FSTL3: variants seen among roughly 807,000 people sequenced by gnomAD.
FSTL3 encodes the protein follistatin-related protein 3.
A neutral mutation model predicts 28.1 loss-of-function variants in FSTL3; 21 were observed. The ratio of observed to expected loss-of-function variants is 0.75; its 90% CI spans 0.53 to 1.08. The LOEUF is 1.08. Ranked by LOEUF, FSTL3 falls within the 50% of genes least tolerant of loss-of-function variation. The pLI is 0.00. For missense variants in FSTL3, 400 were observed against 380.9 expected (o/e 1.05, Z -0.42); for synonymous variants, 199 against 164.2 (o/e 1.21, Z -1.62).
In FSTL3 at chr19:683,098, C is replaced by T. The variant is rs2031374996; in HGVS notation, c.*1390C>T. The T allele has an allele frequency of 8.6e-6, 2 of 233,218 alleles. No individual in the cohort carries two copies. Among genetic ancestry groups the T allele is most frequent in the Admixed American group, 5.6e-5 (1 of 17,770 alleles). The allele number at this position is 233,218 out of a possible 1,614,324, so 14.4% of individuals were successfully genotyped here. ...AGTTCTCCCACGACGGCTCACCCTC[C>T]CCTCCATCTGCGTTGATGCTCAGAA... On this transcript the variant is annotated 3_prime_UTR_variant, in exon 5 of 5. Transcript: ENST00000166139.
At chr19:676,816 A>T in intron 1 of FSTL3, among the ~76,000 whole-genome samples, 1 of 152,140 alleles carries the variant, frequency 6.6e-6, no homozygotes, top group Non-Finnish European at 1.5e-5. Context: ...TCCGTCTTCC[A>T]GATGGGGAAA....
intron 2 of FSTL3, among the ~76,000 whole-genome samples, chr19:679,756 C>T (rs1478215017): frequency 6.6e-6 from 1 of 152,142 alleles, no homozygotes; most frequent in African/African-American, 2.4e-5. Context: ...GGGGCCCCCT[C>T]CCCTGGAATC....
intron 1 of FSTL3, among the ~76,000 whole-genome samples, chr19:677,238 G>A (rs986225534): frequency 2.6e-5 from 4 of 151,910 alleles, no homozygotes; most frequent in Middle Eastern, 3.4e-3. Flanking sequence ...CCAGCCCTGC[G>A]CCAAAGGGAG....
rs376784869 is a variant in FSTL3, at chr19:677,776, G to A, written c.104-16G>A. Reference sequence around the variant, plus strand: ...CAGGAGTGGCCCAGGAGAGCACCCCGTTCCCCGGCCCGCAGGTGGTGTTTG... The same window carrying A: ...CAGGAGTGGCCCAGGAGAGCACCCCATTCCCCGGCCCGCAGGTGGTGTTTG... On this transcript the variant is annotated splice_polypyrimidine_tract_variant and intron_variant, in intron 1 of 4. Coordinates refer to ENST00000166139, the MANE Select transcript of FSTL3 (RefSeq NM_005860.3). 1.3e-4 allele frequency: 206 copies of A among 1,596,692 alleles called. No individual in the cohort carries two copies. Among genetic ancestry groups the A allele is most frequent in the African/African-American group, 1.0e-3 (76 of 74,822 alleles).
chr19:680,552 T>C, intron 3 of FSTL3, 63 bp downstream of exon 3: 5 of 757,160 alleles, frequency 6.6e-6, no homozygotes, highest in Non-Finnish European at 8.4e-6. Context: ...GCGTCATGTA[T>C]CGAGGCTGCT....
chr19:680,206 GC>G, intron 2 of FSTL3, 67 bp from the exon 3 acceptor site: 1 of 1,042,970 alleles, frequency 9.6e-7, no homozygotes, highest in Non-Finnish European at 1.2e-6. Flanking sequence ...GGGCCCCGAG[GC>G]CTTCGCGCGG....
chr19:678,750 A>G (rs112005395), intron 2 of FSTL3, among the ~76,000 whole-genome samples: 1,694 of 152,096 alleles, frequency 0.011, 36 homozygotes, highest in African/African-American at 0.039. Context: ...ACCTCAAGTG[A>G]TCTGCCAGCC....
chr19:676,738 G>A (rs1431183074), intron 1 of FSTL3, among the ~76,000 whole-genome samples: 1 of 152,182 alleles, frequency 6.6e-6, no homozygotes, highest in Non-Finnish European at 1.5e-5. Context: ...CATTTATTGA[G>A]CGCTTAGTGT....
rs759145114 is a variant in FSTL3 at position 677,860 on chromosome 19, C to T, written c.172C>T (p.Arg58Trp). 35 of 1,613,038 alleles carry T rather than the reference C, an allele frequency of 2.2e-5. No individual in the cohort carries two copies. The highest frequency in any genetic ancestry group is 2.6e-5 in the Non-Finnish European group (31 of 1,179,982). ...CSLVLQTDVT[R>W]AECCASGNID... is the part of the protein sequence containing the mutation. ...CCTGGTGCTCCAGACTGATGTCACC[C>T]GGGCCGAGTGCTGTGCCTCCGGCAA... The change falls in exon 2 of 5, where the codon CGG becomes TGG. Residue 58 changes from arginine (R) to tryptophan (W), a missense_variant. Physicochemically the swap from Arg to Trp is moderately radical, Grantham distance 101. Transcript: ENST00000166139.
chr19:677,376 G>T (rs2031235971), intron 1 of FSTL3, among the ~76,000 whole-genome samples: 1 of 151,986 alleles, frequency 6.6e-6, no homozygotes. Context: ...GCGGGGCTCC[G>T]CGTGCCCTCG....
chr19:681,268 G>C (rs1371695389), intron 3 of FSTL3, 65 bp from the exon 4 acceptor site: 3 of 1,225,954 alleles, frequency 2.4e-6, no homozygotes, highest in East Asian at 5.1e-5. Flanking sequence ...GGGTCTTGGG[G>C]CCAAGAGCCC....
At chr19:681,603 G>T in intron 4 of FSTL3, 43 bp downstream of exon 4, 1 of 1,595,094 alleles carries the variant, frequency 6.3e-7, no homozygotes, top group East Asian at 2.3e-5. Context: ...CTGGGGGCCG[G>T]AGAACCCCCT....
Position 678,013 on chromosome 19 carries a change from A to T in FSTL3, c.289+36A>T, listed in dbSNP as rs1293786974. 2.5e-6 allele frequency: 4 copies of T among 1,585,618 alleles called. No individual in the cohort carries two copies. The African/African-American group carries it at 5.4e-5, about 21-fold the overall frequency. ...AGGCCAGAAGCAGGGCAGACGTCTCAGCTCAGGACCAGCCACAAACAGTCA... is the reference window on the plus strand; with the variant it reads ...AGGCCAGAAGCAGGGCAGACGTCTCTGCTCAGGACCAGCCACAAACAGTCA... On this transcript the variant is annotated intron_variant, in intron 2 of 4. Transcript: ENST00000166139.
intron 1 of FSTL3, among the ~76,000 whole-genome samples, chr19:676,979 G>C (rs533506036): frequency 6.6e-6 from 1 of 152,116 alleles, no homozygotes. Context: ...TGGGTAGACG[G>C]GGCATGGAGT....
In FSTL3 at chr19:676,532, TG is replaced by T; in HGVS notation, c.103+10del. 1 of 641,604 alleles carries T rather than the reference TG, an allele frequency of 1.6e-6. No homozygotes were observed. 39.7% of individuals were successfully genotyped at this position (641,604 alleles called of 1,614,324 possible). ...CTCGGGGAACCCCGCGCCCGGTGAG[TG>T]GGGCGGCCAGAGGGGCGGGCGGGGC... On this transcript the variant is annotated splice_region_variant and intron_variant, in intron 1 of 4. Transcript: ENST00000166139.
intron 3 of FSTL3, chr19:680,976 T>G: frequency 1.1e-4 from 30 of 279,016 alleles, no homozygotes; most frequent in East Asian, 1.6e-4. Context: ...GACTGGGTCA[T>G]GTAAGGGGCG....
chr19:676,505 G>C lies in FSTL3; in HGVS notation c.82G>C (p.Gly28Arg). ...AWAVGFVSSM[G>R]SGNPAPGGVC... ...GGCCGTGGGCTTCGTGAGCTCCATGGGCTCGGGGAACCCCGCGCCCGGTGA... is the reference window on the plus strand; with the variant it reads ...GGCCGTGGGCTTCGTGAGCTCCATGCGCTCGGGGAACCCCGCGCCCGGTGA... Residue 28 changes from glycine (G) to arginine (R), a missense_variant, in exon 1 of 5, where the codon GGC becomes CGC. Gly to Arg is a moderately radical substitution (Grantham distance 125, BLOSUM62 -2). Coordinates refer to ENST00000166139, the MANE Select transcript of FSTL3 (RefSeq NM_005860.3). The C allele has an allele frequency of 8.5e-7, 1 of 1,181,946 alleles. No homozygotes were observed. The highest frequency in any genetic ancestry group is 1.0e-6 in the Non-Finnish European group (1 of 953,198). 73.2% of individuals were successfully genotyped at this position (1,181,946 alleles called of 1,614,324 possible). A position where few individuals can be genotyped will look rare whatever the true frequency, so the allele number is the denominator to read the frequency against.
chr19:678,570 G>T (rs549040891), intron 2 of FSTL3, among the ~76,000 whole-genome samples: 1 of 144,970 alleles, frequency 6.9e-6, no homozygotes, highest in South Asian at 2.2e-4. Flanking sequence ...GAGTGCAGTG[G>T]TGCGATTTTG....
At position 682,002 on chromosome 19, in the gene FSTL3, A is replaced by T. The variant is rs1187924367; in HGVS notation, c.*294A>T. On this transcript the variant is annotated 3_prime_UTR_variant, in exon 5 of 5. Transcript: ENST00000166139. ...AAGACCTATTGCCGGGGAGGATTCC[A>T]CACTTCCGCTCCTTTGGGGATAAAC... 1.9e-6 allele frequency: 1 copy of T among 535,812 alleles called. No homozygotes were observed. The highest frequency in any genetic ancestry group is 3.4e-6 in the Non-Finnish European group (1 of 296,314). 33.2% of individuals were successfully genotyped at this position (535,812 alleles called of 1,614,324 possible). A position where few individuals can be genotyped will look rare whatever the true frequency, so the allele number is the denominator to read the frequency against.
Sources: allele counts gnomAD v4.1 joint callset (sites outside exome capture counted in the v4.1 genomes callset), GRCh38; gene constraint gnomAD v4.1.1; transcripts MANE v1.5; gene names NCBI Gene and HGNC (gene_info 2026-07-23, HGNC 2026-07-21).